ADGRE3: variants seen among roughly 807,000 people sequenced by gnomAD.
ADGRE3 encodes the protein adhesion G protein-coupled receptor E3, also known as EGF-like module receptor 3.
In ADGRE3, 88 loss-of-function variants were observed where a neutral mutation model predicts 80.1. The observed-to-expected ratio is 1.10, with a 90% CI of 0.93 to 1.31. The LOEUF (loss-of-function observed/expected upper bound fraction) is 1.31, where lower values mean the gene tolerates loss of function less well. Among genes scored for constraint, ADGRE3 ranks in the 40% most tolerant of loss-of-function variants. The pLI, the probability that ADGRE3 is intolerant of heterozygous loss-of-function variation, is 0.00. For synonymous variants in ADGRE3, 281 were observed against 294.8 expected, an observed-to-expected ratio of 0.95 and a Z score of 0.48; for missense variants, 715 against 776.5, an observed-to-expected ratio of 0.92 and a Z score of 0.94.
downstream of ADGRE3, among the ~76,000 whole-genome samples, chr19:14,615,128 G>A (rs1001470218): frequency 6.6e-6 from 1 of 151,392 alleles, no homozygotes; most frequent in Non-Finnish European, 1.5e-5. Context: ...CATTTAGTGG[G>A]TAAATGGCAG....
At chr19:14,653,611 T>C (rs941350347) in intron 6 of ADGRE3, among the ~76,000 whole-genome samples, 3 of 152,130 alleles carry the variant, frequency 2.0e-5, no homozygotes, top group African/African-American at 7.2e-5. Context: ...CTCACTCTGT[T>C]GTCCAGGCTG....
chr19:14,658,728 A>AT, intron 4 of ADGRE3, among the ~76,000 whole-genome samples, 178 bp from the exon 5 acceptor site: 1 of 151,888 alleles, frequency 6.6e-6, no homozygotes, highest in East Asian at 1.9e-4. Flanking sequence ...TATTTAAAAA[A>AT]TTTTTTATTT....
the ADGRE3 span, among the ~76,000 whole-genome samples, chr19:14,611,871 G>A: frequency 6.6e-6 from 1 of 152,082 alleles, no homozygotes; most frequent in Non-Finnish European, 1.5e-5. Context: ...GGGCGTGGTG[G>A]CATGTGCCTG....
chr19:14,656,631 G>C (rs895759017), intron 5 of ADGRE3, among the ~76,000 whole-genome samples: 1 of 152,088 alleles, frequency 6.6e-6, no homozygotes, highest in Non-Finnish European at 1.5e-5. Flanking sequence ...TACTGTACAC[G>C]TGACTGGCAA....
intron 6 of ADGRE3, among the ~76,000 whole-genome samples, chr19:14,651,777 C>T (rs570153626): frequency 2.0e-5 from 3 of 152,124 alleles, no homozygotes; most frequent in African/African-American, 4.8e-5. Flanking sequence ...CACAGTGGCT[C>T]ATGCTTGTAA....
chr19:14,617,341 C>CCTCCCTCCCTCTCTTTCTTTCTTTCTTT, downstream of ADGRE3, among the ~76,000 whole-genome samples: 381 of 57,258 alleles, frequency 6.7e-3, 5 homozygotes, highest in Admixed American at 8.3e-3. Context: ...TCCCTCCCTC[C>CCTCCCTCCCTCTCTTTCTTTCTTTCTTT]CTTTCTTTCT....
chr19:14,650,130 A>G (rs1344044830), intron 7 of ADGRE3, among the ~76,000 whole-genome samples: 2 of 112,082 alleles, frequency 1.8e-5, no homozygotes, highest in South Asian at 2.8e-4. Context: ...CTCTCTTTCC[A>G]TCTCTCTCTA....
chr19:14,672,082 C>T (rs575078068), intron 1 of ADGRE3, among the ~76,000 whole-genome samples: 2 of 152,240 alleles, frequency 1.3e-5, no homozygotes, highest in African/African-American at 4.8e-5. Context: ...GCCACACAAA[C>T]CTTACGCCTG....
intron 5 of ADGRE3, among the ~76,000 whole-genome samples, chr19:14,657,416 C>T (rs1005471319): frequency 6.6e-6 from 1 of 152,056 alleles, no homozygotes; most frequent in African/African-American, 2.4e-5. Flanking sequence ...AATATACTCT[C>T]TCTTGGCCTG....
chr19:14,674,537 C>A (rs537840850), intron 1 of ADGRE3, among the ~76,000 whole-genome samples: 2 of 151,956 alleles, frequency 1.3e-5, no homozygotes, highest in Non-Finnish European at 2.9e-5. Flanking sequence ...AAACAAAAAA[C>A]CAAGCTACTA....
intron 7 of ADGRE3, among the ~76,000 whole-genome samples, chr19:14,648,783 C>A (rs377264098): frequency 7.5e-4 from 114 of 152,262 alleles, no homozygotes; most frequent in African/African-American, 2.7e-3. Context: ...GCCTCAGACT[C>A]TCTTTGGATT....
chr19:14,614,425 C>CTG (rs1213662250), downstream of ADGRE3, among the ~76,000 whole-genome samples: 1 of 152,110 alleles, frequency 6.6e-6, no homozygotes, highest in Non-Finnish European at 1.5e-5. Context: ...TGAAAGAGGT[C>CTG]ACTTTTTACC....
At chr19:14,627,767 C>A (rs980599376) in intron 14 of ADGRE3, among the ~76,000 whole-genome samples, 1 of 152,096 alleles carries the variant, frequency 6.6e-6, no homozygotes, top group African/African-American at 2.4e-5. Context: ...GACTACTGTT[C>A]AGTTGCAGAC....
chr19:14,618,944 G>C (rs2075100357), downstream of ADGRE3, among the ~76,000 whole-genome samples: 2 of 148,852 alleles, frequency 1.3e-5, no homozygotes, highest in African/African-American at 4.9e-5. Context: ...AGTTTAAAGA[G>C]CAAGTTTATG....
At chr19:14,607,787 G>C in the ADGRE3 span, among the ~76,000 whole-genome samples, 1 of 151,142 alleles carries the variant, frequency 6.6e-6, no homozygotes, top group African/African-American at 2.4e-5. Flanking sequence ...TGTTGGCCAG[G>C]CTGGTCTTGA....
At chr19:14,617,322 T>C (rs200867025), downstream of ADGRE3, among the ~76,000 whole-genome samples, 439 of 77,928 alleles carry the variant, frequency 5.6e-3, 15 homozygotes, top group East Asian at 0.058. Context: ...TTCCCCTTGC[T>C]TCCCTCCCTC....
intron 8 of ADGRE3, 133 bp downstream of exon 8, chr19:14,647,048 G>T: frequency 1.5e-6 from 1 of 651,716 alleles, no homozygotes. Context: ...CATTTCAAAT[G>T]CTCAATAGCG....
chr19:14,670,262 C>T (rs994571782), intron 1 of ADGRE3, among the ~76,000 whole-genome samples: 2 of 152,074 alleles, frequency 1.3e-5, no homozygotes, highest in Non-Finnish European at 2.9e-5. Context: ...GTTTGGGCTT[C>T]CTTCAAACAT....
chr19:14,620,290 G>A (rs1189469048), intron 15 of ADGRE3, among the ~76,000 whole-genome samples: 2 of 148,432 alleles, frequency 1.3e-5, no homozygotes, highest in Admixed American at 6.8e-5. Flanking sequence ...GACCTCAAGC[G>A]ATCCTCCTAC....
Sources: allele counts gnomAD v4.1 joint callset (sites outside exome capture counted in the v4.1 genomes callset), GRCh38; gene constraint gnomAD v4.1.1; transcripts MANE v1.5; gene names NCBI Gene and HGNC (gene_info 2026-07-23, HGNC 2026-07-21).